The following CRY1 variants were observed in gnomAD, a reference collection of about 807,000 sequenced individuals.
CRY1 encodes the protein cryptochrome circadian regulator 1.
CRY1 carries 45 observed loss-of-function variants against 76.0 expected under a neutral mutation model. That is an observed-to-expected ratio of 0.59 (90% CI 0.47 to 0.76). The LOEUF is 0.76. CRY1 is among the 30% of genes least tolerant of loss of function. The probability of loss-of-function intolerance (pLI) is 0.00; values close to 1 mark genes in which losing one functional copy is unlikely to be tolerated. For missense variants in CRY1, 587 were observed against 716.4 expected (o/e 0.82, Z 2.06); for synonymous variants, 248 against 244.0 (o/e 1.02, Z -0.15).
intron 2 of CRY1, among the ~76,000 whole-genome samples, chr12:107,017,015 A>C (rs573280011): frequency 4.6e-5 from 7 of 152,146 alleles, no homozygotes; most frequent in Non-Finnish European, 1.0e-4. Context: ...TTGCCTCCTA[A>C]CTGATCTTTC....
intron 1 of CRY1, among the ~76,000 whole-genome samples, chr12:107,046,416 TA>T (rs1315708214): frequency 1.3e-5 from 2 of 151,526 alleles, no homozygotes; most frequent in East Asian, 3.9e-4. Context: ...AGAAAAAGAA[TA>T]AAAACTTACA....
chr12:107,048,494 T>C (rs1191949653), intron 1 of CRY1, among the ~76,000 whole-genome samples: 1 of 152,186 alleles, frequency 6.6e-6, no homozygotes, highest in Admixed American at 6.5e-5. Flanking sequence ...CCCTCTAGAT[T>C]TCCTTCATAT....
chr12:107,072,506 T>C (rs541910041), intron 1 of CRY1, among the ~76,000 whole-genome samples: 10 of 152,328 alleles, frequency 6.6e-5, no homozygotes, highest in African/African-American at 2.4e-4. Context: ...TATAGGTGAA[T>C]TCTAGCAAAG....
intron 10 of CRY1, among the ~76,000 whole-genome samples, chr12:106,995,621 C>T (rs1952225507): frequency 6.6e-6 from 1 of 152,090 alleles, no homozygotes; most frequent in South Asian, 2.1e-4. Context: ...TCTTTTATCA[C>T]ATGTATAGAT....
At chr12:107,003,418 C>G (rs1009666422) in intron 3 of CRY1, among the ~76,000 whole-genome samples, 3 of 152,110 alleles carry the variant, frequency 2.0e-5, no homozygotes, top group Admixed American at 2.0e-4. Context: ...GAAAACAGGC[C>G]TACCAGGAGA....
intron 2 of CRY1, among the ~76,000 whole-genome samples, chr12:107,007,908 G>A (rs1952394064): frequency 6.6e-6 from 1 of 152,086 alleles, no homozygotes; most frequent in Admixed American, 6.6e-5. Flanking sequence ...AACACTTCCT[G>A]CCCCTTTTCC....
intron 1 of CRY1, among the ~76,000 whole-genome samples, chr12:107,036,245 C>T (rs1011056254): frequency 1.3e-5 from 2 of 152,182 alleles, no homozygotes; most frequent in East Asian, 1.9e-4. Flanking sequence ...AGCCCAGGTA[C>T]GAATGGTGAA....
At chr12:107,038,919 G>C (rs1435054581) in intron 1 of CRY1, among the ~76,000 whole-genome samples, 2 of 152,116 alleles carry the variant, frequency 1.3e-5, no homozygotes, top group African/African-American at 4.8e-5. Flanking sequence ...TACATCCAAT[G>C]TTCCATCCCT....
intron 1 of CRY1, among the ~76,000 whole-genome samples, chr12:107,079,771 A>G (rs888990745): frequency 6.6e-6 from 1 of 152,160 alleles, no homozygotes; most frequent in African/African-American, 2.4e-5. Flanking sequence ...AATAATCACC[A>G]GAGACTAGAA....
intron 2 of CRY1, among the ~76,000 whole-genome samples, chr12:107,014,020 A>G (rs553856874): frequency 3.9e-5 from 6 of 152,330 alleles, no homozygotes; most frequent in East Asian, 3.9e-4. Context: ...TGCCACCTCT[A>G]TGTGGACGGA....
Position 107,022,203 on chromosome 12 carries a change from G to C in CRY1, c.159-11C>G. On this transcript the variant is annotated splice_polypyrimidine_tract_variant and intron_variant, in intron 1 of 12. Coordinates refer to ENST00000008527, the MANE Select transcript of CRY1 (RefSeq NM_004075.5). ...CACTGAAGCAAAAATCTAGAGAGAA[G>C]AAAGTATTATTTAAATTATTAAAAA... The C allele has an allele frequency of 1.4e-6, 2 of 1,433,526 alleles. No homozygotes were observed. Among genetic ancestry groups the C allele is most frequent in the Non-Finnish European group, 1.9e-6 (2 of 1,044,426 alleles). 88.8% of individuals were successfully genotyped at this position (1,433,526 alleles called of 1,614,324 possible).
intron 1 of CRY1, among the ~76,000 whole-genome samples, chr12:107,038,849 T>C (rs765701018): frequency 2.6e-5 from 4 of 152,216 alleles, no homozygotes; most frequent in Non-Finnish European, 4.4e-5. Flanking sequence ...TCTCCACTCT[T>C]GGCACAGAGC....
chr12:107,038,401 G>A (rs1033082235), intron 1 of CRY1, among the ~76,000 whole-genome samples: 1 of 152,158 alleles, frequency 6.6e-6, no homozygotes, highest in Admixed American at 6.5e-5. Flanking sequence ...CAGAAAAGAG[G>A]AAAGATGGAA....
intron 1 of CRY1, among the ~76,000 whole-genome samples, chr12:107,054,693 C>A (rs1284540276): frequency 1.4e-5 from 2 of 141,824 alleles, no homozygotes; most frequent in Admixed American, 7.0e-5. Context: ...TATAAACATA[C>A]CAAAGAAAGC....
chr12:107,077,415 T>C (rs967403941), intron 1 of CRY1, among the ~76,000 whole-genome samples: 3 of 152,188 alleles, frequency 2.0e-5, no homozygotes, highest in African/African-American at 7.2e-5. Context: ...CACTGAATGT[T>C]TTCCTGAATG....
intron 2 of CRY1, among the ~76,000 whole-genome samples, chr12:107,016,356 T>C (rs758282102): frequency 1.3e-5 from 2 of 151,816 alleles, no homozygotes; most frequent in Non-Finnish European, 2.9e-5. Context: ...GAAATAGCAC[T>C]CCCAAACAAT....
chr12:106,998,768 C>T (rs1952263751), intron 7 of CRY1, among the ~76,000 whole-genome samples: 2 of 151,710 alleles, frequency 1.3e-5, no homozygotes, highest in South Asian at 4.2e-4. Flanking sequence ...AATGGCCGGG[C>T]ACGGTGGCTC....
intron 1 of CRY1, among the ~76,000 whole-genome samples, chr12:107,031,150 T>C (rs1457921067): frequency 6.6e-6 from 1 of 152,076 alleles, no homozygotes; most frequent in Non-Finnish European, 1.5e-5. Context: ...CTTAAAATAA[T>C]TCACCGGGTT....
At chr12:107,017,891 C>A (rs1952513878) in intron 2 of CRY1, among the ~76,000 whole-genome samples, 1 of 152,204 alleles carries the variant, frequency 6.6e-6, no homozygotes, top group South Asian at 2.1e-4. Context: ...CTTTCCCTCA[C>A]CTTGACATTT....
Sources: allele counts gnomAD v4.1 joint callset (sites outside exome capture counted in the v4.1 genomes callset), GRCh38; gene constraint gnomAD v4.1.1; transcripts MANE v1.5; gene names NCBI Gene and HGNC (gene_info 2026-07-23, HGNC 2026-07-21).